Variants in ZNF483 observed in about 807,000 individuals in gnomAD.
ZNF483 encodes the protein zinc finger protein HIT-10.
Under a neutral mutation model 28.6 loss-of-function variants are expected in ZNF483, and 9 were observed. The ratio of observed to expected loss-of-function variants is 0.32; its 90% CI spans 0.19 to 0.55. The LOEUF (loss-of-function observed/expected upper bound fraction) is 0.55, where lower values mean the gene tolerates loss of function less well. Ranked by LOEUF, ZNF483 falls within the 20% of genes least tolerant of loss-of-function variation. The pLI is 0.93. For missense variants in ZNF483, 675 were observed against 871.7 expected, an observed-to-expected ratio of 0.77 and a Z score of 2.84; for synonymous variants, 322 against 306.2, an observed-to-expected ratio of 1.05 and a Z score of -0.54.
In ZNF483 at chr9:111,550,607, T is replaced by A. The variant is rs1423509599; in HGVS notation, c.*7437T>A. Among the ~76,000 whole-genome samples, 3 of 152,174 alleles carry A rather than the reference T, an allele frequency of 2.0e-5. No homozygotes were observed. The highest frequency in any genetic ancestry group is 4.4e-5 in the Non-Finnish European group (3 of 68,024). On this transcript the variant is annotated 3_prime_UTR_variant, in exon 6 of 6. Coordinates refer to ENST00000309235, the MANE Select transcript of ZNF483 (RefSeq NM_133464.5). ...TCCCAAAATAATCACTTTAGGAACT[T>A]TCTGCCGATGTAATTATTATCTAGG...
chr9:111,549,213 G>T lies in ZNF483; in HGVS notation c.*6043G>T, dbSNP rs371021954. ...TGTTTTGCTCTTTTGTTTTCCCCTC[G>T]GAATAGTTTATCAGATGAGGAATTT... On this transcript the variant is annotated 3_prime_UTR_variant, in exon 6 of 6. Transcript: ENST00000309235. Among the ~76,000 whole-genome samples, 1 of 152,004 alleles carries T rather than the reference G, an allele frequency of 6.6e-6. No individual in the cohort carries two copies. Among genetic ancestry groups the T allele is most frequent in the Non-Finnish European group, 1.5e-5 (1 of 67,996 alleles).
chr9:111,541,199 C>G (rs1352945871), intron 5 of ZNF483, among the ~76,000 whole-genome samples: 1 of 150,872 alleles, frequency 6.6e-6, no homozygotes, highest in East Asian at 1.9e-4. Flanking sequence ...AAGTGATTCT[C>G]CTGCCTCAGC....
At chr9:111,572,086 A>G (rs1828843077) in intron 5 of ZNF483, among the ~76,000 whole-genome samples, 1 of 152,224 alleles carries the variant, frequency 6.6e-6, no homozygotes, top group South Asian at 2.1e-4. Context: ...GAGTGGTGGA[A>G]TCTAGCTTCA....
Position 111,551,936 on chromosome 9 carries a change from CA to C in ZNF483, c.*8767del, listed in dbSNP as rs1192433606. Reference sequence around the variant, plus strand: ...GCTTATTTTTTGCAGCCATTTATTACATTTAAAATTTTGTGCATATTGTCTC... The same window carrying C: ...GCTTATTTTTTGCAGCCATTTATTACTTTAAAATTTTGTGCATATTGTCTC... On this transcript the variant is annotated 3_prime_UTR_variant, in exon 6 of 6. Transcript: ENST00000309235. 6.6e-6 allele frequency among the ~76,000 whole-genome samples: 1 copy of C among 152,104 alleles called. No homozygotes were observed. Among genetic ancestry groups the C allele is most frequent in the Non-Finnish European group, 1.5e-5 (1 of 68,010 alleles).
At chr9:111,533,647 C>A in intron 3 of ZNF483, 92 bp from the exon 4 acceptor site, 1 of 1,318,908 alleles carries the variant, frequency 7.6e-7, no homozygotes, top group Non-Finnish European at 1.0e-6. Flanking sequence ...CTAACACGGG[C>A]GACAGAGCCA....
At position 111,549,473 on chromosome 9, in the gene ZNF483, A is replaced by T. The variant is rs1827875931; in HGVS notation, c.*6303A>T. Among the ~76,000 whole-genome samples, 1 of 152,140 alleles carries T rather than the reference A, an allele frequency of 6.6e-6. No individual in the cohort carries two copies. Among genetic ancestry groups the T allele is most frequent in the African/African-American group, 2.4e-5 (1 of 41,428 alleles). ...AAGCAAAGTGTTTTTCACCCTGAGA[A>T]ATTGGTGAGGTATCTTTCTCTCAGA... On this transcript the variant is annotated 3_prime_UTR_variant, in exon 6 of 6. Transcript: ENST00000309235.
Position 111,544,420 on chromosome 9 carries a change from CA to C in ZNF483, c.*1253del. 3.1e-6 allele frequency: 3 copies of C among 957,058 alleles called. No homozygotes were observed. Among genetic ancestry groups the C allele is most frequent in the Non-Finnish European group, 2.5e-6 (2 of 804,398 alleles). The allele number at this position is 957,058 out of a possible 1,614,324, so 59.3% of individuals were successfully genotyped here. A position where few individuals can be genotyped will look rare whatever the true frequency, so the allele number is the denominator to read the frequency against. ...AAATTAGGGCATTTCATACTAAAAA[CA>C]AAGCTTGTCTTAAAAAAAATTATAA... is the stretch of plus-strand genomic sequence containing the variant. On this transcript the variant is annotated 3_prime_UTR_variant, in exon 6 of 6. Coordinates refer to ENST00000309235, the MANE Select transcript of ZNF483 (RefSeq NM_133464.5).
At position 111,542,385 on chromosome 9, in the gene ZNF483, C is replaced by G; in HGVS notation, c.1450C>G (p.Pro484Ala). The change falls in exon 6 of 6, where the codon CCA becomes GCA. Residue 484 changes from proline to alanine, a missense_variant. This residue lies in a region of ZNF483 where 525 missense variants were observed against 581.8 expected (regional missense o/e 0.90). Transcript: ENST00000309235. The surrounding 1 kb of genome is among the most constrained non-coding windows in gnomAD (Gnocchi z 6.2). ...TTTTAGTGATAGTTCATCGCTCACA[C>G]CACATCATAGAACTCATAGTGGAGA... ...KAFSDSSSLT[P>A]HHRTHSGEKP... The G allele has an allele frequency of 6.2e-7, 1 of 1,613,860 alleles. No homozygotes were observed. The highest frequency in any genetic ancestry group is 8.5e-7 in the Non-Finnish European group (1 of 1,179,974).
At chr9:111,572,991 A>T (rs1423292931) in intron 5 of ZNF483, among the ~76,000 whole-genome samples, 1 of 152,102 alleles carries the variant, frequency 6.6e-6, no homozygotes, top group Non-Finnish European at 1.5e-5. Context: ...CTTGCCTCTG[A>T]GCTATCCTAA....
intron 5 of ZNF483, chr9:111,570,274 T>C: frequency 6.5e-7 from 1 of 1,546,804 alleles, no homozygotes; most frequent in Middle Eastern, 2.3e-4. Context: ...AAACAAGCAG[T>C]ACAGGTCACT....
intron 2 of ZNF483, among the ~76,000 whole-genome samples, chr9:111,529,478 C>T (rs1827266266): frequency 6.6e-6 from 1 of 152,192 alleles, no homozygotes; most frequent in Admixed American, 6.5e-5. Flanking sequence ...TGCCTCTTCT[C>T]TGTCTTAAGG....
In ZNF483 at chr9:111,542,466, A is replaced by G. The variant is rs1426988206; in HGVS notation, c.1531A>G (p.Ile511Val). The change falls in exon 6 of 6, where the codon ATT becomes GTT. Residue 511 changes from isoleucine (I) to valine (V), a missense_variant. Coordinates refer to ENST00000309235, the MANE Select transcript of ZNF483 (RefSeq NM_133464.5). This position sits in a 1 kb window ranked among gnomAD's most constrained non-coding sequence, Gnocchi z 6.2. Reference protein sequence around the residue: ...GKGFTLSAHLIKHQRIHTGEK... With the variant: ...GKGFTLSAHLVKHQRIHTGEK... Reference sequence around the variant, plus strand: ...AGGTTTCACCCTAAGTGCTCACCTCATTAAACATCAGAGAATTCATACTGG... The same window carrying G: ...AGGTTTCACCCTAAGTGCTCACCTCGTTAAACATCAGAGAATTCATACTGG... The G allele has an allele frequency of 1.9e-6, 3 of 1,614,198 alleles. No homozygotes were observed. Among genetic ancestry groups the G allele is most frequent in the Admixed American group, 3.3e-5 (2 of 60,022 alleles).
intron 5 of ZNF483, chr9:111,576,213 C>A (rs1011209046): frequency 2.9e-6 from 2 of 690,742 alleles, no homozygotes; most frequent in Non-Finnish European, 4.7e-6. Context: ...AGGTTAAAGG[C>A]AATTCACTGA....
chr9:111,555,652 C>CA (rs1033109517), downstream of ZNF483, among the ~76,000 whole-genome samples: 22 of 152,146 alleles, frequency 1.4e-4, no homozygotes, highest in African/African-American at 4.6e-4. Context: ...AGCACATCTT[C>CA]ACATGGCAGC....
At position 111,549,280 on chromosome 9, in the gene ZNF483, A is replaced by G. The variant is rs1564601484; in HGVS notation, c.*6110A>G. 2.6e-5 allele frequency among the ~76,000 whole-genome samples: 4 copies of G among 152,168 alleles called. No homozygotes were observed. Among genetic ancestry groups the G allele is most frequent in the African/African-American group, 7.2e-5 (3 of 41,448 alleles). ...AAATATCTTACAATTCTGAAAACAC[A>G]CTGTCAAAATGCTTTTCATAAAATG... On this transcript the variant is annotated 3_prime_UTR_variant, in exon 6 of 6. Coordinates refer to ENST00000309235, the MANE Select transcript of ZNF483 (RefSeq NM_133464.5).
chr9:111,534,799 C>T (rs1446498665), intron 5 of ZNF483, among the ~76,000 whole-genome samples: 2 of 143,080 alleles, frequency 1.4e-5, no homozygotes, highest in Non-Finnish European at 3.0e-5. Flanking sequence ...TCTCGGCTCA[C>T]TGCAACCTCC....
At chr9:111,541,110 GAC>G (rs1371852235) in intron 5 of ZNF483, among the ~76,000 whole-genome samples, 1 of 129,372 alleles carries the variant, frequency 7.7e-6, no homozygotes, top group Non-Finnish European at 1.6e-5. Context: ...TTTTTTTTGA[GAC>G]AGAGCCTTGC....
intron 3 of ZNF483, among the ~76,000 whole-genome samples, chr9:111,533,090 A>G (rs990858782): frequency 6.6e-5 from 10 of 152,222 alleles, no homozygotes; most frequent in African/African-American, 2.4e-4. Context: ...ATATTATTGT[A>G]CAGTTATTAC....
At chr9:111,540,105 G>A (rs997767480) in intron 5 of ZNF483, among the ~76,000 whole-genome samples, 19 of 151,974 alleles carry the variant, frequency 1.3e-4, no homozygotes, top group African/African-American at 3.4e-4. Flanking sequence ...GCACTCCAGC[G>A]TAGGCAACAG....
Sources: allele counts gnomAD v4.1 joint callset (sites outside exome capture counted in the v4.1 genomes callset), GRCh38; gene constraint gnomAD v4.1.1; regional missense constraint gnomAD v4.1.1; non-coding constraint Gnocchi (gnomAD v3.1); transcripts MANE v1.5; gene names NCBI Gene and HGNC (gene_info 2026-07-23, HGNC 2026-07-21).